RFC3: variants seen among roughly 807,000 people sequenced by gnomAD.
RFC3 encodes the protein replication factor C subunit 3, also known as A1 38 kDa subunit.
In RFC3, 41 loss-of-function variants were observed where a neutral mutation model predicts 45.1. The observed-to-expected ratio is 0.91, with a 90% CI of 0.71 to 1.18. The LOEUF is 1.18. Among genes scored for constraint, RFC3 ranks in the 50% most tolerant of loss-of-function variants. The pLI is 0.00. For synonymous variants in RFC3, 149 were observed against 144.0 expected, an observed-to-expected ratio of 1.03 and a Z score of -0.25; for missense variants, 423 against 428.1, an observed-to-expected ratio of 0.99 and a Z score of 0.10.
At chr13:33,966,201 C>T in exon 9 of RFC3, 1 of 1,116,076 alleles carries the variant, frequency 9.0e-7, no homozygotes, top group Middle Eastern at 2.0e-4. Context: ...AAATATAATC[C>T]ACTTTGCTCT....
chr13:33,831,572 T>TGTAAA (rs1343283966), intron 7 of RFC3, among the ~76,000 whole-genome samples: 1 of 151,054 alleles, frequency 6.6e-6, no homozygotes, highest in African/African-American at 2.5e-5. Flanking sequence ...ATATCATGGC[T>TGTAAA]TACATGTGAT....
At chr13:33,967,178 TA>T, downstream of RFC3, among the ~76,000 whole-genome samples, 1 of 151,696 alleles carries the variant, frequency 6.6e-6, no homozygotes, top group South Asian at 2.1e-4. Flanking sequence ...AAAAAAAATT[TA>T]AAAAAAGGGA....
At chr13:33,826,129 C>A (rs1159973910) in intron 4 of RFC3, among the ~76,000 whole-genome samples, 1 of 152,032 alleles carries the variant, frequency 6.6e-6, no homozygotes, top group African/African-American at 2.4e-5. Flanking sequence ...AATAATTGTT[C>A]TTATGACCGA....
intron 8 of RFC3, among the ~76,000 whole-genome samples, chr13:33,882,649 GA>G (rs2082492807): frequency 6.6e-6 from 1 of 152,214 alleles, no homozygotes; most frequent in Non-Finnish European, 1.5e-5. Flanking sequence ...CCAGCTTCCA[GA>G]AATGTGAGAA....
intron 8 of RFC3, among the ~76,000 whole-genome samples, chr13:33,845,282 A>G (rs2082229156): frequency 6.6e-6 from 1 of 152,128 alleles, no homozygotes; most frequent in Admixed American, 6.5e-5. Context: ...TTGGTGTTCT[A>G]TAATTTTCTT....
chr13:33,936,924 G>A (rs751733955), intron 8 of RFC3, among the ~76,000 whole-genome samples: 3 of 152,146 alleles, frequency 2.0e-5, no homozygotes, highest in Non-Finnish European at 4.4e-5. Flanking sequence ...AAACACTACT[G>A]TACTGTATAC....
At chr13:33,905,499 A>G (rs1004789388) in intron 8 of RFC3, among the ~76,000 whole-genome samples, 4 of 152,076 alleles carry the variant, frequency 2.6e-5, no homozygotes, top group African/African-American at 7.2e-5. Context: ...TAAGTATAAA[A>G]TAAAAATCTA....
intron 8 of RFC3, among the ~76,000 whole-genome samples, chr13:33,933,807 A>G (rs1416824640): frequency 6.6e-6 from 1 of 152,144 alleles, no homozygotes; most frequent in Non-Finnish European, 1.5e-5. Flanking sequence ...ATAAACAACT[A>G]AAGATATTCT....
At chr13:33,842,384 T>C (rs766527783), downstream of RFC3, among the ~76,000 whole-genome samples, 5 of 152,208 alleles carry the variant, frequency 3.3e-5, no homozygotes, top group Non-Finnish European at 7.4e-5. Context: ...TCCACCATCC[T>C]ACTCCATCCC....
At chr13:33,872,628 GA>G (rs2082418080) in intron 8 of RFC3, among the ~76,000 whole-genome samples, 2 of 152,154 alleles carry the variant, frequency 1.3e-5, no homozygotes, top group Admixed American at 6.5e-5. Context: ...AGCTACTCGG[GA>G]GGCTGAGGAT....
At chr13:33,919,217 A>G (rs999993346) in intron 8 of RFC3, among the ~76,000 whole-genome samples, 4 of 152,074 alleles carry the variant, frequency 2.6e-5, no homozygotes, top group African/African-American at 9.7e-5. Context: ...AGTGTTTTCA[A>G]TTATCTTTTT....
rs375744691 is a variant in RFC3 at position 33,898,764 on chromosome 13, A to G, written c.879+63547A>G. 2.2e-4 allele frequency among the ~76,000 whole-genome samples: 34 copies of G among 151,954 alleles called. 1 individual carries two copies. The East Asian group carries it at 4.6e-3, about 21-fold the overall frequency. On this transcript the variant is annotated intron_variant, in intron 8 of 8. Transcript: ENST00000434425. ...TCAGCGAAACTTTAGCTATACTAAG[A>G]AAAAAGAGAGAAAATCCAGGTAAAT...
chr13:33,829,655 T>C (rs2082082799), intron 4 of RFC3, 181 bp from the exon 5 acceptor site: 1 of 616,568 alleles, frequency 1.6e-6, no homozygotes, highest in Admixed American at 2.9e-5. Context: ...AGTATGATTG[T>C]AGCATTTTAA....
chr13:33,833,583 CT>C (rs2082123365), intron 7 of RFC3, among the ~76,000 whole-genome samples: 2 of 152,104 alleles, frequency 1.3e-5, no homozygotes, highest in Admixed American at 6.6e-5. Context: ...TAACTCAAGA[CT>C]AACACAAGAT....
intron 8 of RFC3, among the ~76,000 whole-genome samples, chr13:33,901,051 T>C (rs1275649683): frequency 2.0e-5 from 3 of 151,774 alleles, no homozygotes; most frequent in Non-Finnish European, 4.4e-5. Context: ...TGGATGCTGG[T>C]GAGGATGTGG....
intron 1 of RFC3, among the ~76,000 whole-genome samples, chr13:33,819,231 T>C (rs1237905900): frequency 6.6e-6 from 1 of 152,208 alleles, no homozygotes; most frequent in Non-Finnish European, 1.5e-5. Context: ...CCCTCTATCC[T>C]GATGCCTCTT....
intron 8 of RFC3, among the ~76,000 whole-genome samples, chr13:33,927,304 AC>A (rs2082820103): frequency 6.6e-6 from 1 of 151,908 alleles, no homozygotes; most frequent in African/African-American, 2.4e-5. Context: ...AAGTCCTAAG[AC>A]CAAAGGGAAA....
intron 8 of RFC3, among the ~76,000 whole-genome samples, chr13:33,898,502 A>G (rs2082616207): frequency 6.6e-6 from 1 of 151,908 alleles, no homozygotes; most frequent in African/African-American, 2.4e-5. Flanking sequence ...GGGATACCGA[A>G]AAAGCAGTGT....
intron 8 of RFC3, among the ~76,000 whole-genome samples, chr13:33,958,454 TG>T (rs2083035743): frequency 6.6e-6 from 1 of 152,166 alleles, no homozygotes; most frequent in Admixed American, 6.5e-5. Context: ...CAAACTGAGA[TG>T]GATGTGTTTC....
Sources: allele counts gnomAD v4.1 joint callset (sites outside exome capture counted in the v4.1 genomes callset), GRCh38; gene constraint gnomAD v4.1.1; transcripts MANE v1.5; gene names NCBI Gene and HGNC (gene_info 2026-07-23, HGNC 2026-07-21).